Variants in DAPK2 observed in about 807,000 individuals in gnomAD.
DAPK2 encodes the protein death associated protein kinase 2, also known as death-associated protein kinase 2.
Under a neutral mutation model 44.1 loss-of-function variants are expected in DAPK2, and 35 were observed. The ratio of observed to expected loss-of-function variants is 0.79; its 90% CI spans 0.61 to 1.05. The LOEUF (loss-of-function observed/expected upper bound fraction) is 1.05, where lower values mean the gene tolerates loss of function less well. Among genes scored for constraint, DAPK2 ranks in the 50% least tolerant of loss-of-function variants. The probability of loss-of-function intolerance (pLI) is 0.00; values close to 1 mark genes in which losing one functional copy is unlikely to be tolerated. For missense variants in DAPK2, 453 were observed against 483.2 expected, an observed-to-expected ratio of 0.94 and a Z score of 0.59; for synonymous variants, 174 against 182.6, an observed-to-expected ratio of 0.95 and a Z score of 0.38.
At chr15:63,994,621 C>T (rs953337166) in intron 1 of DAPK2, among the ~76,000 whole-genome samples, 2 of 146,896 alleles carry the variant, frequency 1.4e-5, no homozygotes, top group Non-Finnish European at 3.0e-5. Context: ...ACGTAGTCTC[C>T]CTCTGTCGCC....
intron 1 of DAPK2, among the ~76,000 whole-genome samples, chr15:64,018,983 C>T (rs779162422): frequency 2.0e-5 from 3 of 152,198 alleles, no homozygotes; most frequent in Non-Finnish European, 2.9e-5. Context: ...GTGGCTAATG[C>T]CTGTCCAATA....
rs772872847 is a variant in DAPK2, at chr15:63,917,952, T to A, written c.859-5755A>T. ...GTCCCCATCTGCCCCAGACACTGAATCTTTTATTTGAGGTTATCTTGTCCT... is the reference window on the plus strand; with the variant it reads ...GTCCCCATCTGCCCCAGACACTGAAACTTTTATTTGAGGTTATCTTGTCCT... On this transcript the variant is annotated intron_variant, in intron 8 of 10. Coordinates refer to ENST00000261891, the Ensembl canonical transcript of DAPK2. The surrounding 1 kb of genome is among the most constrained non-coding windows in gnomAD (Gnocchi z 4.4). The A allele has an allele frequency of 3.9e-5, 6 of 152,206 alleles. No individual in the cohort carries two copies. Among genetic ancestry groups the A allele is most frequent in the Non-Finnish European group, 7.3e-5 (5 of 68,038 alleles). The allele number at this position is 152,206 out of a possible 1,614,324, so 9.4% of individuals were successfully genotyped here. A position where few individuals can be genotyped will look rare whatever the true frequency, so the allele number is the denominator to read the frequency against.
At chr15:63,915,360 C>A (rs2078899867) in intron 8 of DAPK2, among the ~76,000 whole-genome samples, 1 of 152,198 alleles carries the variant, frequency 6.6e-6, no homozygotes, top group African/African-American at 2.4e-5. Flanking sequence ...TCAACCATTT[C>A]TAAGTCTAAC....
At chr15:63,914,525 G>C (rs1413669908) in intron 8 of DAPK2, among the ~76,000 whole-genome samples, 1 of 152,150 alleles carries the variant, frequency 6.6e-6, no homozygotes, top group African/African-American at 2.4e-5. Flanking sequence ...CCCTGGAAGG[G>C]AGGCACAAAA....
At position 63,991,971 on chromosome 15, in the gene DAPK2, C is replaced by A. The variant is rs549313367; in HGVS notation, c.93-8217G>T. Among the ~76,000 whole-genome samples the A allele has an allele frequency of 1.2e-3, 186 of 152,258 alleles. 1 individual carries two copies. The highest frequency in any genetic ancestry group is 4.0e-3 in the African/African-American group (168 of 41,558). ...GCTGCTTTTAGAGGCTGGCTTGTTT[C>A]ATTCCCAGGTCCTACAGACTAACTT... On this transcript the variant is annotated intron_variant, in intron 1 of 10. Transcript: ENST00000261891.
chr15:64,026,659 G>T (rs2079855888), intron 1 of DAPK2, among the ~76,000 whole-genome samples: 1 of 152,156 alleles, frequency 6.6e-6, no homozygotes, highest in Non-Finnish European at 1.5e-5. Context: ...TCGCCAAATG[G>T]TACGCTCTCA....
intron 3 of DAPK2, among the ~76,000 whole-genome samples, chr15:63,944,010 G>T (rs1224295353): frequency 6.6e-6 from 1 of 152,172 alleles, no homozygotes; most frequent in Non-Finnish European, 1.5e-5. Context: ...CTACCCCAGG[G>T]TGCCTTTTCT....
intron 1 of DAPK2, among the ~76,000 whole-genome samples, chr15:64,036,317 A>ATG (rs1309863145): frequency 3.5e-4 from 36 of 102,244 alleles, no homozygotes; most frequent in African/African-American, 1.0e-3. Flanking sequence ...GTGTATATAT[A>ATG]TGTATATATA....
At chr15:63,976,587 G>A (rs969097862) in intron 2 of DAPK2, among the ~76,000 whole-genome samples, 2 of 152,076 alleles carry the variant, frequency 1.3e-5, no homozygotes, top group Non-Finnish European at 2.9e-5. Context: ...GCATGGTGAT[G>A]TGCACCTGTA....
chr15:63,998,399 T>C (rs1206402817), intron 1 of DAPK2, among the ~76,000 whole-genome samples: 1 of 152,140 alleles, frequency 6.6e-6, no homozygotes, highest in Non-Finnish European at 1.5e-5. Context: ...AGGTTGTGTC[T>C]CAATATATTA....
At chr15:63,918,552 T>C (rs1406694714) in intron 8 of DAPK2, 1 of 152,370 alleles carries the variant, frequency 6.6e-6, no homozygotes, top group Non-Finnish European at 1.5e-5. Context: ...GACCTTTTAT[T>C]TGCAGTCTGG....
intron 1 of DAPK2, among the ~76,000 whole-genome samples, chr15:64,010,741 C>T (rs2079369551): frequency 6.6e-6 from 1 of 152,192 alleles, no homozygotes; most frequent in African/African-American, 2.4e-5. Flanking sequence ...GGTTTTATCC[C>T]ATTCATGAAG....
intron 4 of DAPK2, among the ~76,000 whole-genome samples, chr15:63,936,231 G>A (rs1230447290): frequency 6.6e-6 from 1 of 152,156 alleles, no homozygotes; most frequent in Admixed American, 6.5e-5. Context: ...TTTTCTTGCT[G>A]CTCACTGCTC....
At chr15:63,922,513 C>T (rs1315321524) in intron 8 of DAPK2, 1 of 1,344,488 alleles carries the variant, frequency 7.4e-7, no homozygotes. Flanking sequence ...AACAGCTTGG[C>T]TGCCCTGCCA....
intron 6 of DAPK2, among the ~76,000 whole-genome samples, chr15:63,929,184 G>A (rs1277173532): frequency 7.6e-6 from 1 of 132,024 alleles, no homozygotes. Context: ...GGGTGACAGA[G>A]CAAGACTCTG....
upstream of DAPK2, among the ~76,000 whole-genome samples, chr15:64,043,866 C>T (rs79473127): frequency 5.1e-4 from 78 of 152,282 alleles, no homozygotes; most frequent in African/African-American, 1.7e-3. Context: ...GTCCCCTTGT[C>T]GTAGGCTAGT....
intron 3 of DAPK2, among the ~76,000 whole-genome samples, chr15:63,947,873 C>T (rs1247290354): frequency 6.6e-6 from 1 of 152,188 alleles, no homozygotes; most frequent in African/African-American, 2.4e-5. Context: ...CTCCCATCTC[C>T]ATTCATGCAA....
intron 4 of DAPK2, among the ~76,000 whole-genome samples, chr15:63,934,721 C>A (rs1209276628): frequency 6.6e-6 from 1 of 152,024 alleles, no homozygotes; most frequent in Non-Finnish European, 1.5e-5. Flanking sequence ...CAATGCCTGG[C>A]TAATTTTTTG....
At chr15:63,953,949 C>T (rs2077656416) in intron 3 of DAPK2, among the ~76,000 whole-genome samples, 1 of 152,058 alleles carries the variant, frequency 6.6e-6, no homozygotes, top group Non-Finnish European at 1.5e-5. Flanking sequence ...GATCTTTTGC[C>T]CATTTTTTAA....
Sources: allele counts gnomAD v4.1 joint callset (sites outside exome capture counted in the v4.1 genomes callset), GRCh38; gene constraint gnomAD v4.1.1; non-coding constraint Gnocchi (gnomAD v3.1); transcripts MANE v1.5; gene names NCBI Gene and HGNC (gene_info 2026-07-23, HGNC 2026-07-21).